RBFOX1: variants seen among roughly 807,000 people sequenced by gnomAD.
RBFOX1 encodes the protein RNA binding fox-1 homolog 1.
In RBFOX1, 8 loss-of-function variants were observed where a neutral mutation model predicts 57.7. That is an observed-to-expected ratio of 0.14 (90% CI 0.08 to 0.25). The LOEUF (loss-of-function observed/expected upper bound fraction) is 0.25, where lower values mean the gene tolerates loss of function less well. RBFOX1 is among the 10% of genes least tolerant of loss of function. The pLI is 1.00. For missense variants in RBFOX1, 611 were observed against 548.5 expected (o/e 1.11, Z -1.14); for synonymous variants, 326 against 222.4 (o/e 1.47, Z -4.15).
chr16:6,543,217 T>C (rs2096848404), intron 2 of RBFOX1, among the ~76,000 whole-genome samples: 1 of 152,168 alleles, frequency 6.6e-6, no homozygotes, highest in Non-Finnish European at 1.5e-5. Context: ...CTAGGCTTAA[T>C]GTTTAACATT....
intron 4 of RBFOX1, among the ~76,000 whole-genome samples, chr16:5,986,344 G>A (rs2098079): frequency 0.08 from 12,147 of 152,270 alleles, 518 homozygotes; most frequent in South Asian, 0.12. Flanking sequence ...GATTACAGGC[G>A]TGAGCCATCG....
intron 3 of RBFOX1, among the ~76,000 whole-genome samples, chr16:6,855,652 C>CA (rs71147612): frequency 0.2 from 25,895 of 128,522 alleles, 3,625 homozygotes; most frequent in African/African-American, 0.39. Context: ...GACTCCATCT[C>CA]AAAAAAAAAA....
intron 2 of RBFOX1, among the ~76,000 whole-genome samples, chr16:6,464,908 C>T (rs748822131): frequency 1.1e-4 from 16 of 152,220 alleles, no homozygotes; most frequent in East Asian, 1.9e-4. Flanking sequence ...ACAGAGATCC[C>T]GGGGGCAATT....
chr16:7,212,519 C>T (rs1283186716), intron 4 of RBFOX1, among the ~76,000 whole-genome samples: 1 of 152,092 alleles, frequency 6.6e-6, no homozygotes, highest in Non-Finnish European at 1.5e-5. Flanking sequence ...GGTTTCTCAA[C>T]AGCACCAGAA....
chr16:6,495,055 CG>C (rs760241102), intron 2 of RBFOX1, among the ~76,000 whole-genome samples: 1 of 152,166 alleles, frequency 6.6e-6, no homozygotes, highest in Non-Finnish European at 1.5e-5. Flanking sequence ...TAGAGGTAGT[CG>C]GTCTGGCTGG....
intron 2 of RBFOX1, among the ~76,000 whole-genome samples, chr16:6,399,354 G>T (rs1056350293): frequency 6.6e-6 from 1 of 152,150 alleles, no homozygotes; most frequent in Admixed American, 6.5e-5. Context: ...TGTTACTTAT[G>T]CGGATTTCTT....
intron 2 of RBFOX1, among the ~76,000 whole-genome samples, chr16:5,495,790 T>C (rs2042982623): frequency 6.6e-6 from 1 of 152,368 alleles, no homozygotes; most frequent in Admixed American, 6.5e-5. Flanking sequence ...CTTCACCTTT[T>C]TCTCCAGGCA....
chr16:7,477,412 G>A (rs967410145), intron 4 of RBFOX1, among the ~76,000 whole-genome samples: 5 of 152,100 alleles, frequency 3.3e-5, no homozygotes, highest in East Asian at 3.9e-4. Flanking sequence ...GTGGGGGGTC[G>A]GGGGGTGGTT....
chr16:5,910,268 A>G (rs901472592), intron 4 of RBFOX1, among the ~76,000 whole-genome samples: 1 of 152,066 alleles, frequency 6.6e-6, no homozygotes, highest in Non-Finnish European at 1.5e-5. Flanking sequence ...GGCCAGTCTC[A>G]GGGAGAAGTT....
At chr16:6,807,309 A>T (rs2087092048) in intron 3 of RBFOX1, among the ~76,000 whole-genome samples, 1 of 152,116 alleles carries the variant, frequency 6.6e-6, no homozygotes, top group Non-Finnish European at 1.5e-5. Context: ...GTTCTAGGGC[A>T]TACAATGAAG....
intron 3 of RBFOX1, among the ~76,000 whole-genome samples, chr16:5,820,299 G>C (rs1384344006): frequency 6.6e-6 from 1 of 152,124 alleles, no homozygotes; most frequent in Non-Finnish European, 1.5e-5. Context: ...CACATCACGT[G>C]GAATAGGGCA....
intron 1 of RBFOX1, among the ~76,000 whole-genome samples, chr16:6,057,691 G>A (rs1412828417): frequency 6.6e-6 from 1 of 152,144 alleles, no homozygotes; most frequent in Non-Finnish European, 1.5e-5. Context: ...AGTTTAGAAT[G>A]CTTGAAGATG....
intron 3 of RBFOX1, among the ~76,000 whole-genome samples, chr16:5,782,494 A>T (rs890250978): frequency 6.6e-6 from 1 of 152,166 alleles, no homozygotes; most frequent in Non-Finnish European, 1.5e-5. Context: ...TGCATTGGGG[A>T]TTAAATTAAA....
At chr16:6,192,113 C>G (rs543334746) in intron 1 of RBFOX1, among the ~76,000 whole-genome samples, 9 of 152,288 alleles carry the variant, frequency 5.9e-5, no homozygotes, top group African/African-American at 2.2e-4. Context: ...CCTGCTCTCT[C>G]CCCTGTATCA....
At chr16:7,138,059 A>C (rs2072546715) in intron 4 of RBFOX1, among the ~76,000 whole-genome samples, 1 of 152,178 alleles carries the variant, frequency 6.6e-6, no homozygotes, top group Non-Finnish European at 1.5e-5. Flanking sequence ...TCACCATCTT[A>C]AGAATGAAGC....
intron 1 of RBFOX1, among the ~76,000 whole-genome samples, chr16:5,438,654 C>T (rs1011499409): frequency 7.9e-5 from 12 of 152,128 alleles, no homozygotes; most frequent in Non-Finnish European, 1.5e-4. Context: ...TACGAAAAAT[C>T]AATTGCACCC....
At chr16:7,012,568 G>T (rs1208829560) in intron 3 of RBFOX1, among the ~76,000 whole-genome samples, 1 of 152,134 alleles carries the variant, frequency 6.6e-6, no homozygotes, top group Non-Finnish European at 1.5e-5. Flanking sequence ...TTTCTCTCTT[G>T]TACAGTGTGA....
At chr16:7,236,281 G>A (rs143261515) in intron 4 of RBFOX1, among the ~76,000 whole-genome samples, 2 of 152,174 alleles carry the variant, frequency 1.3e-5, no homozygotes, top group Non-Finnish European at 2.9e-5. Context: ...AGGGTTAATA[G>A]GATGTATTTA....
chr16:6,757,748 G>T (rs919170671), intron 3 of RBFOX1, among the ~76,000 whole-genome samples: 1 of 152,064 alleles, frequency 6.6e-6, no homozygotes, highest in Non-Finnish European at 1.5e-5. Flanking sequence ...GGTGATGATG[G>T]TTAAAAACAA....
Sources: gnomAD v4.1 joint callset for allele counts (sites outside exome capture counted in the v4.1 genomes callset) on GRCh38, gnomAD v4.1.1 for gene constraint, MANE v1.5 for transcripts, NCBI Gene and HGNC (gene_info 2026-07-23, HGNC 2026-07-21) for gene names.